The following CACNB2 variants were observed in gnomAD, a reference collection of about 807,000 sequenced individuals.
CACNB2 encodes calcium voltage-gated channel auxiliary subunit beta 2.
In CACNB2, 42 loss-of-function variants were observed where a neutral mutation model predicts 73.3. That is an observed-to-expected ratio of 0.57 (90% CI 0.45 to 0.74). The LOEUF is 0.74. CACNB2 is among the 30% of genes least tolerant of loss of function. The pLI is 0.00. For missense variants in CACNB2, 940 were observed against 853.0 expected (o/e 1.10, Z -1.27); for synonymous variants, 348 against 310.3 (o/e 1.12, Z -1.28).
chr10:18,329,080 G>A (rs563331754), intron 2 of CACNB2, among the ~76,000 whole-genome samples: 9 of 152,150 alleles, frequency 5.9e-5, no homozygotes, highest in Non-Finnish European at 1.3e-4. Context: ...TCTCGTTTTC[G>A]TTTGTAGGGA....
At chr10:18,186,464 T>C (rs2034158064) in intron 2 of CACNB2, among the ~76,000 whole-genome samples, 1 of 151,724 alleles carries the variant, frequency 6.6e-6, no homozygotes, top group Non-Finnish European at 1.5e-5. Flanking sequence ...GGGTAATTTC[T>C]AAAGAAAAGA....
chr10:18,473,476 A>G (rs2048292069), intron 3 of CACNB2, among the ~76,000 whole-genome samples: 1 of 152,190 alleles, frequency 6.6e-6, no homozygotes, highest in African/African-American at 2.4e-5. Context: ...TACTGAAATC[A>G]CATTTAAATT....
chr10:18,161,652 G>C (rs10764329), intron 2 of CACNB2, among the ~76,000 whole-genome samples: 71,572 of 150,170 alleles, frequency 0.48, 17,361 homozygotes, highest in East Asian at 0.57. Context: ...TATAACAACT[G>C]CCCCTTCCCA....
chr10:18,141,143 C>G, intron 1 of CACNB2: 2 of 1,550,254 alleles, frequency 1.3e-6, no homozygotes, highest in Non-Finnish European at 1.7e-6. Flanking sequence ...CCAGCTGGCC[C>G]TCCTCGCCCC....
At chr10:18,350,072 T>G (rs1564458236) in intron 2 of CACNB2, among the ~76,000 whole-genome samples, 1 of 151,952 alleles carries the variant, frequency 6.6e-6, no homozygotes, top group Non-Finnish European at 1.5e-5. Context: ...GGTGAAACCC[T>G]GTCTCTACTA....
intron 2 of CACNB2, among the ~76,000 whole-genome samples, chr10:18,198,839 T>G (rs2034744193): frequency 6.6e-6 from 1 of 152,234 alleles, no homozygotes. Flanking sequence ...ACGCATTGCA[T>G]GACCACTCTA....
At chr10:18,145,823 G>A (rs1015703777) in intron 1 of CACNB2, among the ~76,000 whole-genome samples, 2 of 152,072 alleles carry the variant, frequency 1.3e-5, no homozygotes, top group African/African-American at 2.4e-5. Flanking sequence ...TAAAGGAACC[G>A]GGCCTGTCTT....
At chr10:18,333,640 G>T (rs2040889989) in intron 2 of CACNB2, among the ~76,000 whole-genome samples, 1 of 152,180 alleles carries the variant, frequency 6.6e-6, no homozygotes. Flanking sequence ...ACACACTAGA[G>T]TTTTGTTTTG....
At chr10:18,343,224 C>T (rs1420140197) in intron 2 of CACNB2, among the ~76,000 whole-genome samples, 1 of 152,118 alleles carries the variant, frequency 6.6e-6, no homozygotes, top group African/African-American at 2.4e-5. Flanking sequence ...AATTGAGTGC[C>T]ATTATTCTTA....
At chr10:18,527,283 G>A (rs769874614) in intron 9 of CACNB2, among the ~76,000 whole-genome samples, 2 of 152,096 alleles carry the variant, frequency 1.3e-5, no homozygotes, top group Non-Finnish European at 2.9e-5. Flanking sequence ...GGCTGAGGCA[G>A]GAGAATCACT....
At chr10:18,518,471 T>C (rs2051499274) in intron 8 of CACNB2, 55 bp downstream of exon 8, 2 of 1,169,526 alleles carry the variant, frequency 1.7e-6, no homozygotes, top group African/African-American at 1.5e-5. Context: ...TTCTTTGTGA[T>C]GCTGCCTCCT....
At chr10:18,442,976 ATATATATATGTATATATATATG>A (rs1564553851) in intron 3 of CACNB2, among the ~76,000 whole-genome samples, 246 of 22,016 alleles carry the variant, frequency 0.011, 33 homozygotes, top group African/African-American at 0.033. Context: ...ATATGTGTAT[ATATATATATGTATATATATATG>A]TGTATATATA....
At chr10:18,391,330 C>A (rs1182031947) in intron 2 of CACNB2, among the ~76,000 whole-genome samples, 1 of 152,118 alleles carries the variant, frequency 6.6e-6, no homozygotes, top group Non-Finnish European at 1.5e-5. Context: ...GAGACACTAG[C>A]ACATTTAGGA....
At chr10:18,470,688 C>G (rs2048140696) in intron 3 of CACNB2, among the ~76,000 whole-genome samples, 1 of 152,042 alleles carries the variant, frequency 6.6e-6, no homozygotes, top group Non-Finnish European at 1.5e-5. Flanking sequence ...TATGTCTGTT[C>G]CCCCTTTAAA....
intron 2 of CACNB2, among the ~76,000 whole-genome samples, chr10:18,197,094 T>C (rs557151295): frequency 8.6e-4 from 130 of 151,750 alleles, no homozygotes; most frequent in Non-Finnish European, 1.6e-3. Flanking sequence ...CTTAGCCCCC[T>C]GGGCAGTGCT....
chr10:18,437,413 G>A (rs532381630), intron 3 of CACNB2, among the ~76,000 whole-genome samples: 19 of 152,248 alleles, frequency 1.2e-4, no homozygotes, highest in African/African-American at 2.9e-4. Context: ...ACCAAATAGC[G>A]TATCGTTGAC....
intron 2 of CACNB2, among the ~76,000 whole-genome samples, chr10:18,233,039 C>T (rs544542863): frequency 7.9e-5 from 12 of 152,212 alleles, no homozygotes; most frequent in African/African-American, 2.2e-4. Flanking sequence ...GAACCATGAT[C>T]GCACCACTGC....
Position 18,373,844 on chromosome 10 carries a change from G to A in CACNB2, c.214-28080G>A, listed in dbSNP as rs539346238. On this transcript the variant is annotated intron_variant, in intron 2 of 13. Coordinates refer to ENST00000324631, the MANE Select transcript of CACNB2 (RefSeq NM_201596.3). ...TACTGAAGACATTGGTGCTTGTACC[G>A]GTTCTCTCTCCAAGACAATACTGAT... Among the ~76,000 whole-genome samples the A allele has an allele frequency of 3.3e-5, 5 of 152,250 alleles. No homozygotes were observed. In the East Asian group the frequency reaches 5.8e-4, roughly 18 times the overall value.
At chr10:18,180,593 C>T (rs12569914) in intron 2 of CACNB2, among the ~76,000 whole-genome samples, 11,310 of 152,042 alleles carry the variant, frequency 0.074, 483 homozygotes, top group South Asian at 0.12. Flanking sequence ...GGGGCAGTTA[C>T]GAGGATTAGG....
Sources: gnomAD v4.1 joint callset for allele counts (sites outside exome capture counted in the v4.1 genomes callset) on GRCh38, gnomAD v4.1.1 for gene constraint, MANE v1.5 for transcripts, NCBI Gene and HGNC (gene_info 2026-07-23, HGNC 2026-07-21) for gene names.